The following ATP10B variants were observed in gnomAD, a reference collection of about 807,000 sequenced individuals.
ATP10B encodes phospholipid-transporting ATPase VB.
ATP10B carries 122 observed loss-of-function variants against 141.2 expected under a neutral mutation model. The observed-to-expected ratio is 0.86, with a 90% confidence interval of 0.75 to 1.00. The LOEUF is 1.00. Ranked by LOEUF, ATP10B falls within the 50% of genes least tolerant of loss-of-function variation. The pLI is 0.00. For missense variants in ATP10B, 1,876 were observed against 1,825.3 expected, an observed-to-expected ratio of 1.03 and a Z score of -0.51; for synonymous variants, 685 against 692.0, an observed-to-expected ratio of 0.99 and a Z score of 0.16.
intron 24 of ATP10B, among the ~76,000 whole-genome samples, chr5:160,588,006 T>G (rs1211331462): frequency 1.3e-5 from 2 of 152,122 alleles, no homozygotes; most frequent in Non-Finnish European, 2.9e-5. Flanking sequence ...CATGCCATCA[T>G]GCCTAGCTAA....
chr5:160,671,181 A>AC (rs1331199209), intron 6 of ATP10B, among the ~76,000 whole-genome samples: 2 of 151,068 alleles, frequency 1.3e-5, no homozygotes, highest in East Asian at 3.9e-4. Flanking sequence ...AAAAAAAAAA[A>AC]AAAAAAAAAA....
At chr5:160,618,081 G>A (rs1758126722) in intron 15 of ATP10B, 108 bp from the exon 16 acceptor site, 4 of 912,788 alleles carry the variant, frequency 4.4e-6, no homozygotes, top group Non-Finnish European at 7.1e-6. Context: ...TTTAGAGAAG[G>A]AATCCCTTAC....
At chr5:160,924,649 C>T in the ATP10B span, among the ~76,000 whole-genome samples, 1 of 152,130 alleles carries the variant, frequency 6.6e-6, no homozygotes, top group Non-Finnish European at 1.5e-5. Flanking sequence ...ACTCTAATAT[C>T]CAACTGGCTA....
At chr5:160,681,123 C>T (rs549584796) in intron 6 of ATP10B, among the ~76,000 whole-genome samples, 67 of 152,288 alleles carry the variant, frequency 4.4e-4, no homozygotes, top group African/African-American at 1.5e-3. Context: ...GAAGTCTCTT[C>T]GTTGTTTAAA....
At chr5:160,765,434 G>A (rs182620941) in intron 2 of ATP10B, among the ~76,000 whole-genome samples, 15 of 152,090 alleles carry the variant, frequency 9.9e-5, no homozygotes, top group Admixed American at 7.9e-4. Flanking sequence ...ATGGATCTTC[G>A]ACAAAGCAAA....
At position 160,605,293 on chromosome 5, in the gene ATP10B, A is replaced by T. The variant is rs192708800; in HGVS notation, c.3161-1252T>A. Reference sequence around the variant, plus strand: ...ATCTGATGACACATTTATTGGTCTTAAAAGTTTTGCCATAAGTAGCCTTTA... The same window carrying T: ...ATCTGATGACACATTTATTGGTCTTTAAAGTTTTGCCATAAGTAGCCTTTA... On this transcript the variant is annotated intron_variant, in intron 19 of 25. Transcript: ENST00000327245. Among the ~76,000 whole-genome samples the T allele has an allele frequency of 3.0e-3, 459 of 152,366 alleles. 3 individuals carry two copies. Among genetic ancestry groups the T allele is most frequent in the African/African-American group, 0.011 (440 of 41,582 alleles).
chr5:160,917,151 C>T, the ATP10B span, among the ~76,000 whole-genome samples: 4,509 of 152,206 alleles, frequency 0.03, 199 homozygotes, highest in East Asian at 0.2. Context: ...TCTCCTCCTG[C>T]CTGTCCATTT....
the ATP10B span, among the ~76,000 whole-genome samples, chr5:160,902,589 G>C: frequency 1.3e-5 from 2 of 152,202 alleles, no homozygotes; most frequent in African/African-American, 4.8e-5. Flanking sequence ...TGAGAGAAGG[G>C]AATGGAGCTC....
intron 13 of ATP10B, among the ~76,000 whole-genome samples, chr5:160,628,817 T>C (rs1352932941): frequency 6.6e-6 from 1 of 152,164 alleles, no homozygotes; most frequent in Non-Finnish European, 1.5e-5. Flanking sequence ...GCCAGTACTA[T>C]TAAACATTGG....
intron 4 of ATP10B, 121 bp downstream of exon 4, chr5:160,688,639 A>G (rs2127747997): frequency 4.3e-6 from 2 of 470,132 alleles, no homozygotes; most frequent in South Asian, 1.9e-4. Flanking sequence ...TGAGGAACAA[A>G]TTGGATAGTA....
chr5:160,895,883 G>A, the ATP10B span, among the ~76,000 whole-genome samples: 1 of 152,142 alleles, frequency 6.6e-6, no homozygotes, highest in Non-Finnish European at 1.5e-5. Context: ...TAGAACTCAA[G>A]ATTAAGAAAC....
At chr5:160,901,001 T>C in the ATP10B span, among the ~76,000 whole-genome samples, 150 of 142,932 alleles carry the variant, frequency 1.0e-3, no homozygotes, top group African/African-American at 3.6e-3. Flanking sequence ...AGCAACACAA[T>C]GTGATTGCTC....
intron 6 of ATP10B, among the ~76,000 whole-genome samples, chr5:160,682,209 T>C (rs1421951): frequency 0.98 from 148,993 of 152,368 alleles, 72,875 homozygotes; most frequent in East Asian, 1. Flanking sequence ...TAATCAAAGA[T>C]GAACAGGTTT....
At chr5:160,841,618 A>C (rs1481156719) in intron 1 of ATP10B, among the ~76,000 whole-genome samples, 1 of 152,222 alleles carries the variant, frequency 6.6e-6, no homozygotes, top group Non-Finnish European at 1.5e-5. Flanking sequence ...CTATATTTCA[A>C]ATAAATAACA....
intron 11 of ATP10B, 118 bp from the exon 12 acceptor site, chr5:160,634,724 T>C (rs752915081): frequency 9.9e-6 from 11 of 1,110,690 alleles, no homozygotes; most frequent in Non-Finnish European, 1.0e-5. Flanking sequence ...CAGGACAGAC[T>C]CTCTGTGAAA....
chr5:160,792,991 G>T (rs1172433004), intron 1 of ATP10B, among the ~76,000 whole-genome samples: 1 of 152,170 alleles, frequency 6.6e-6, no homozygotes, highest in Non-Finnish European at 1.5e-5. Flanking sequence ...AGCCAGGAGG[G>T]CTAAGGCAAC....
chr5:160,645,421 C>T (rs551082668), intron 8 of ATP10B, among the ~76,000 whole-genome samples: 1 of 152,332 alleles, frequency 6.6e-6, no homozygotes, highest in Admixed American at 6.5e-5. Flanking sequence ...GGGTTCCTCT[C>T]GTTCCGAGCC....
intron 2 of ATP10B, among the ~76,000 whole-genome samples, chr5:160,733,731 C>A (rs963668766): frequency 8.1e-5 from 12 of 148,558 alleles, no homozygotes; most frequent in Admixed American, 1.3e-4. Context: ...TGAATAAGGG[C>A]CAGAAATGAT....
chr5:160,826,934 G>A (rs1243664649), intron 1 of ATP10B, among the ~76,000 whole-genome samples: 7 of 152,146 alleles, frequency 4.6e-5, no homozygotes, highest in Non-Finnish European at 1.0e-4. Flanking sequence ...TTTCTGTTAA[G>A]ATGTTTATCA....
Sources: gnomAD v4.1 joint callset for allele counts (sites outside exome capture counted in the v4.1 genomes callset) on GRCh38, gnomAD v4.1.1 for gene constraint, MANE v1.5 for transcripts, NCBI Gene and HGNC (gene_info 2026-07-23, HGNC 2026-07-21) for gene names.